The following CUZD1 variants were observed in gnomAD, a reference collection of about 807,000 sequenced individuals.
CUZD1 encodes the protein CUB and zona pellucida-like domain-containing protein 1.
CUZD1 carries 42 observed loss-of-function variants against 53.1 expected under a neutral mutation model. The observed-to-expected ratio is 0.79, with a 90% CI of 0.62 to 1.02. The LOEUF is 1.02. Ranked by LOEUF, CUZD1 falls within the 50% of genes least tolerant of loss-of-function variation. The probability of loss-of-function intolerance (pLI) is 0.00; values close to 1 mark genes in which losing one functional copy is unlikely to be tolerated. For synonymous variants in CUZD1, 238 were observed against 257.2 expected (o/e 0.93, Z 0.71); for missense variants, 670 against 715.7 (o/e 0.94, Z 0.73).
At chr10:122,843,018 T>C (rs753094815) in intron 1 of CUZD1, among the ~76,000 whole-genome samples, 7 of 152,194 alleles carry the variant, frequency 4.6e-5, no homozygotes, top group Non-Finnish European at 8.8e-5. Flanking sequence ...TATGGGATTG[T>C]AAAGTGGTAC....
intron 1 of CUZD1, 70 bp downstream of exon 1, chr10:122,845,692 A>G: frequency 7.3e-7 from 1 of 1,375,492 alleles, no homozygotes; most frequent in African/African-American, 1.4e-5. Context: ...ACTTTGAAAA[A>G]TTTTGAAAGA....
intron 7 of CUZD1, 124 bp downstream of exon 7, chr10:122,834,582 T>C: frequency 1.6e-6 from 1 of 606,960 alleles, no homozygotes; most frequent in Non-Finnish European, 2.6e-6. Context: ...TTAGAATAAA[T>C]GTAATGAAAT....
In CUZD1 at chr10:122,836,998, C is replaced by T; in HGVS notation, c.650G>A (p.Gly217Asp). The T allele has an allele frequency of 6.2e-7, 1 of 1,613,864 alleles. No homozygotes were observed. Among genetic ancestry groups the T allele is most frequent in the Non-Finnish European group, 8.5e-7 (1 of 1,179,876 alleles). Residue 217 changes from glycine to aspartate, a missense_variant, in exon 5 of 9, where the codon GGC (glycine) becomes GAC (aspartate). By Grantham distance (94) the Gly-to-Asp change is moderately conservative. Coordinates refer to ENST00000392790, the MANE Select transcript of CUZD1 (RefSeq NM_022034.6). ...AATCAGGCCAGAGTTGGTGGAGGGG[C>T]CATCATAGATGGCAAGAAAATCAAA... ...CKFDFLAIYDGPSTNSGLIGQ... is the reference protein window; with the variant it reads ...CKFDFLAIYDDPSTNSGLIGQ...
In CUZD1 at chr10:122,832,401, G is replaced by A; in HGVS notation, c.1701C>T (p.Asn567=). Reference sequence around the variant, plus strand: ...CCATGAAGGAAAACAGATGCACACTGTTGAAAGGCTGGTTTGGAGTTTCTT... The same window carrying A: ...CCATGAAGGAAAACAGATGCACACTATTGAAAGGCTGGTTTGGAGTTTCTT... ...HAEETPNQPF[N]SVHLFSFMVL... Residue 567 remains asparagine (N), a synonymous_variant, in exon 9 of 9, where the codon AAC becomes AAT. Coordinates refer to ENST00000392790, the MANE Select transcript of CUZD1 (RefSeq NM_022034.6). The A allele has an allele frequency of 2.5e-6, 4 of 1,614,126 alleles. No homozygotes were observed. Among genetic ancestry groups the A allele is most frequent in the Middle Eastern group, 1.7e-4 (1 of 6,060 alleles).
intron 8 of CUZD1, among the ~76,000 whole-genome samples, chr10:122,833,330 T>C (rs1334149820): frequency 1.3e-5 from 2 of 152,204 alleles, no homozygotes; most frequent in Non-Finnish European, 2.9e-5. Context: ...ATTTAGGAGT[T>C]AAAACACATT....
In CUZD1 at chr10:122,836,823, T is replaced by C; in HGVS notation, c.817+8A>G. The C allele has an allele frequency of 6.3e-7, 1 of 1,598,724 alleles. No homozygotes were observed. The highest frequency in any genetic ancestry group is 1.3e-5 in the African/African-American group (1 of 74,664). ...TCAAAATAGCTAAGAATATAAAACA[T>C]GACTTACTAGTGTTGATGTTTTCTG... is the stretch of plus-strand genomic sequence containing the variant. On this transcript the variant is annotated splice_region_variant and intron_variant, in intron 5 of 8. Transcript: ENST00000392790.
chr10:122,842,300 A>G (rs1847357023), intron 1 of CUZD1, among the ~76,000 whole-genome samples: 1 of 152,228 alleles, frequency 6.6e-6, no homozygotes, highest in Non-Finnish European at 1.5e-5. Flanking sequence ...TTTATGTGTA[A>G]GAAATGAGGC....
At chr10:122,840,261 C>T (rs922614624) in intron 2 of CUZD1, among the ~76,000 whole-genome samples, 2 of 152,166 alleles carry the variant, frequency 1.3e-5, no homozygotes, top group African/African-American at 4.8e-5. Context: ...TCAACATCAC[C>T]TGGGCATTTG....
At chr10:122,843,702 T>G (rs1242507069) in intron 1 of CUZD1, among the ~76,000 whole-genome samples, 1 of 151,008 alleles carries the variant, frequency 6.6e-6, no homozygotes, top group East Asian at 1.9e-4. Context: ...ATAAGTAAAT[T>G]TATAGAGACA....
intron 7 of CUZD1, 35 bp from the exon 8 acceptor site, chr10:122,833,975 C>T: frequency 6.3e-7 from 1 of 1,576,908 alleles, no homozygotes; most frequent in Non-Finnish European, 8.6e-7. Context: ...TTAGAAGATA[C>T]AGACAAATTC....
chr10:122,839,829 GAAGT>G (rs1273840837), intron 2 of CUZD1, among the ~76,000 whole-genome samples: 3 of 152,136 alleles, frequency 2.0e-5, no homozygotes, highest in Admixed American at 1.3e-4. Flanking sequence ...AAAATTATAG[GAAGT>G]AAGACAAGGG....
Position 122,839,001 on chromosome 10 carries a change from G to A in CUZD1, c.448+16C>T. ...TGTAGGAGATGTGGGTGAAGGTTGT[G>A]TAAATGAGGACTTACAGATGTTAGG... is the stretch of plus-strand genomic sequence containing the variant. On this transcript the variant is annotated intron_variant, in intron 3 of 8. Transcript: ENST00000392790. 14 of 1,595,380 alleles carry A rather than the reference G, an allele frequency of 8.8e-6. No homozygotes were observed. Among genetic ancestry groups the A allele is most frequent in the Non-Finnish European group, 1.2e-5 (14 of 1,163,152 alleles).
At chr10:122,840,009 C>A (rs145142432) in intron 2 of CUZD1, among the ~76,000 whole-genome samples, 4 of 152,176 alleles carry the variant, frequency 2.6e-5, no homozygotes, top group African/African-American at 9.7e-5. Context: ...ATATGAAGCA[C>A]CTGCCACAGG....
intron 1 of CUZD1, among the ~76,000 whole-genome samples, chr10:122,844,037 G>T (rs899318469): frequency 4.0e-5 from 6 of 149,040 alleles, no homozygotes; most frequent in East Asian, 2.0e-4. Flanking sequence ...TATATATATA[G>T]AGAGAGGGAC....
At chr10:122,836,374 A>T (rs1453723960) in intron 5 of CUZD1, 24 bp from the exon 6 acceptor site, 1 of 1,304,020 alleles carries the variant, frequency 7.7e-7, no homozygotes, top group South Asian at 1.4e-5. Flanking sequence ...AAAAAAAAAA[A>T]GAATGGTCAT....
intron 1 of CUZD1, among the ~76,000 whole-genome samples, chr10:122,844,200 A>T (rs978024124): frequency 1.5e-4 from 22 of 149,580 alleles, no homozygotes; most frequent in East Asian, 5.9e-4. Context: ...GGCTAAAAAA[A>T]TTTTTTTTTT....
chr10:122,837,290 T>C (rs1419231952), intron 4 of CUZD1, 114 bp downstream of exon 4: 2 of 1,120,436 alleles, frequency 1.8e-6, no homozygotes, highest in Non-Finnish European at 2.6e-6. Context: ...CATCAATTCT[T>C]TGAAAAGTGC....
At chr10:122,840,054 TAATTTCTCGCCTCCCTTGCTCTTCCCAC>T (rs1847314219) in intron 2 of CUZD1, among the ~76,000 whole-genome samples, 3 of 152,230 alleles carry the variant, frequency 2.0e-5, no homozygotes, top group Non-Finnish European at 2.9e-5. Flanking sequence ...TGTTAAATGT[TAATTTCTCGCCTCCCTTGCTCTTCCCAC>T]AATTTCTCTT....
Position 122,833,878 on chromosome 10 carries a change from A to T in CUZD1, c.1445T>A (p.Phe482Tyr), listed in dbSNP as rs1197443947. The change falls in exon 8 of 9, where the codon TTT becomes TAT. Residue 482 changes from phenylalanine (F) to tyrosine (Y), a missense_variant. Physicochemically the swap from Phe to Tyr is conservative, Grantham distance 22. Transcript: ENST00000392790. ...PLFGHYGRFQFNAFKFLRSMS... is the reference protein window; with the variant it reads ...PLFGHYGRFQYNAFKFLRSMS... ...ACTTCTCAAGAATTTAAAGGCATTA[A>T]ACTGGAATCTCCCATAGTGTCCAAA... is the stretch of plus-strand genomic sequence containing the variant. 6.2e-7 allele frequency: 1 copy of T among 1,613,994 alleles called. No homozygotes were observed. Among genetic ancestry groups the T allele is most frequent in the East Asian group, 2.2e-5 (1 of 44,882 alleles).
Sources: allele counts gnomAD v4.1 joint callset (sites outside exome capture counted in the v4.1 genomes callset), GRCh38; gene constraint gnomAD v4.1.1; transcripts MANE v1.5; gene names NCBI Gene and HGNC (gene_info 2026-07-23, HGNC 2026-07-21).